SPEF2: variants seen among roughly 807,000 people sequenced by gnomAD.
SPEF2 encodes sperm flagella and cilia-associated protein 2.
SPEF2 carries 187 observed loss-of-function variants against 224.6 expected under a neutral mutation model. That is an observed-to-expected ratio of 0.83 (90% CI 0.74 to 0.94). The LOEUF (loss-of-function observed/expected upper bound fraction) is 0.94. Among genes scored for constraint, SPEF2 ranks in the 40% least tolerant of loss-of-function variants. The pLI, the probability that SPEF2 is intolerant of heterozygous loss-of-function variation, is 0.00. For synonymous variants in SPEF2, 715 were observed against 707.3 expected (o/e 1.01, Z -0.17); for missense variants, 2,170 against 2,135.6 (o/e 1.02, Z -0.32).
Position 35,641,573 on chromosome 5 carries a change from A to C in SPEF2, c.304A>C (p.Ile102Leu). The change falls in exon 3 of 37, where the codon ATT becomes CTT. Residue 102 changes from isoleucine (I) to leucine (L), a missense_variant. Ile to Leu is a conservative substitution (Grantham distance 5). Coordinates refer to ENST00000356031, the MANE Select transcript of SPEF2 (RefSeq NM_024867.4). ...VATKLLYQLY[I>L]ALQKKKKSGL... ...AACAAAGCTGTTATATCAATTGTAC[A>C]TTGCTCTTCAGAAAAAGAAGAAAAG... 1 of 1,613,826 alleles carries C rather than the reference A, an allele frequency of 6.2e-7. No homozygotes were observed. The highest frequency in any genetic ancestry group is 8.5e-7 in the Non-Finnish European group (1 of 1,179,818).
intron 31 of SPEF2, among the ~76,000 whole-genome samples, 153 bp downstream of exon 31, chr5:35,792,599 A>G (rs1431298697): frequency 6.6e-6 from 1 of 152,244 alleles, no homozygotes; most frequent in Non-Finnish European, 1.5e-5. Flanking sequence ...TGAACTTCCA[A>G]TTAAAACATA....
intron 10 of SPEF2, chr5:35,671,687 T>C (rs1045195307): frequency 8.5e-6 from 2 of 235,642 alleles, no homozygotes; most frequent in Admixed American, 6.5e-5. Context: ...TTAGCAAAGA[T>C]TTTTGTCTCT....
chr5:35,628,529 T>G lies in SPEF2; in HGVS notation c.128T>G (p.Leu43Arg). 1 of 1,613,900 alleles carries G rather than the reference T, an allele frequency of 6.2e-7. No homozygotes were observed. The change falls in exon 2 of 37, where the codon CTT becomes CGT. Residue 43 changes from leucine to arginine, a missense_variant. Coordinates refer to ENST00000356031, the MANE Select transcript of SPEF2 (RefSeq NM_024867.4). ...GGAGAAGTTCTACACAAGTTTGAAC[T>G]TCAGGATGATTTTTCAGAATTTTTG... The part of the protein sequence containing the change: ...LLGEVLHKFE[L>R]QDDFSEFLDS...
At chr5:35,681,635 T>C (rs548881680) in intron 10 of SPEF2, among the ~76,000 whole-genome samples, 116 of 152,298 alleles carry the variant, frequency 7.6e-4, no homozygotes, top group African/African-American at 2.7e-3. Context: ...ATAAATATAA[T>C]AAAACACAAT....
Position 35,800,007 on chromosome 5 carries a change from C to G in SPEF2, c.4870C>G (p.Pro1624Ala), listed in dbSNP as rs1757212512. ...RLFADYEKDP[P>A]QLDYTQMLLY... ...ATTTGCTGACTATGAGAAGGATCCA[C>G]CCCAGCTTGACTACACACAGATGCT... Residue 1624 changes from proline (P) to alanine (A), a missense_variant, in exon 34 of 37, where the codon CCC (proline) becomes GCC (alanine). By Grantham distance (27) the Pro-to-Ala change is conservative. Transcript: ENST00000356031. 7.4e-6 allele frequency: 12 copies of G among 1,613,936 alleles called. No individual in the cohort carries two copies. Among genetic ancestry groups the G allele is most frequent in the Non-Finnish European group, 9.3e-6 (11 of 1,180,008 alleles).
At chr5:35,650,763 T>C (rs1748080588) in intron 6 of SPEF2, among the ~76,000 whole-genome samples, 1 of 152,208 alleles carries the variant, frequency 6.6e-6, no homozygotes, top group Admixed American at 6.5e-5. Flanking sequence ...ACATTACAGC[T>C]GCAAACATTT....
intron 21 of SPEF2, among the ~76,000 whole-genome samples, chr5:35,736,466 A>AGT (rs1280322469): frequency 3.1e-5 from 4 of 129,072 alleles, no homozygotes; most frequent in African/African-American, 1.3e-4. Context: ...GGCAAGTGAC[A>AGT]GAGTGTGTGT....
rs529895228 is a variant in SPEF2 at position 35,722,991 on chromosome 5, G to T, written c.2915-4684G>T. Among the ~76,000 whole-genome samples, 5 of 152,084 alleles carry T rather than the reference G, an allele frequency of 3.3e-5. No individual in the cohort carries two copies. In the South Asian group the frequency reaches 1.0e-3, roughly 32 times the overall value. The stretch of plus-strand genomic sequence containing the variant: ...ATTTAGGCTCACAGATGGTTTAAAG[G>T]GTGAGTAAAGCAGGGTTTTATTGGG... On this transcript the variant is annotated intron_variant, in intron 20 of 36. Transcript: ENST00000356031.
rs748454003 is a variant in SPEF2, at chr5:35,793,258, G to A, written c.4654G>A (p.Glu1552Lys). 18 of 1,614,166 alleles carry A rather than the reference G, an allele frequency of 1.1e-5. No individual in the cohort carries two copies. Among genetic ancestry groups the A allele is most frequent in the Non-Finnish European group, 1.5e-5 (18 of 1,180,012 alleles). ...TSMPWPIPLEEELLETLQKFK... is the reference protein window; with the variant it reads ...TSMPWPIPLEKELLETLQKFK... The stretch of plus-strand genomic sequence containing the variant: ...AATGCCTTGGCCCATTCCCTTGGAG[G>A]AGGAGCTCCTTGAGACCCTTCAGAA... Residue 1552 changes from glutamate (E) to lysine (K), a missense_variant, in exon 32 of 37, where the codon GAG (glutamate) becomes AAG (lysine). Glu to Lys is a moderately conservative substitution (Grantham distance 56). Transcript: ENST00000356031.
chr5:35,633,586 C>A lies in SPEF2; in HGVS notation c.161+5024C>A, dbSNP rs75667026. 9.8e-3 allele frequency among the ~76,000 whole-genome samples: 1,483 copies of A among 151,940 alleles called. 24 individuals are homozygous for A. Among genetic ancestry groups the A allele is most frequent in the African/African-American group, 0.033 (1,366 of 41,498 alleles). ...GGATTGTATATTCTGTCAATTCCCT[C>A]TTTGTAATTGTAGTTATTTAATCCA... is the stretch of plus-strand genomic sequence containing the variant. On this transcript the variant is annotated intron_variant, in intron 2 of 36. Transcript: ENST00000356031.
chr5:35,755,576 T>C (rs577456362), intron 24 of SPEF2, among the ~76,000 whole-genome samples: 10 of 152,298 alleles, frequency 6.6e-5, no homozygotes, highest in African/African-American at 2.4e-4. Flanking sequence ...TCTTACTATG[T>C]ACATGCCAGG....
chr5:35,691,099 T>G lies in SPEF2; in HGVS notation c.1587T>G (p.Asn529Lys), dbSNP rs1276713351. Residue 529 changes from asparagine (N) to lysine (K), a missense_variant, in exon 11 of 37, where the codon AAT becomes AAG. Physicochemically the swap from Asn to Lys is moderately conservative, Grantham distance 94 (BLOSUM62 0). Coordinates refer to ENST00000356031, the MANE Select transcript of SPEF2 (RefSeq NM_024867.4). ...EMVDNLPPSN[N>K]CILGHILHRL... Reference sequence around the variant, plus strand: ...TTGACAATTTACCACCCTCCAACAATTGCATACTGGGCCATATTCTTCACA... The same window carrying G: ...TTGACAATTTACCACCCTCCAACAAGTGCATACTGGGCCATATTCTTCACA... 6.2e-7 allele frequency: 1 copy of G among 1,614,108 alleles called. No individual in the cohort carries two copies. The highest frequency in any genetic ancestry group is 1.1e-5 in the South Asian group (1 of 91,086).
intron 20 of SPEF2, among the ~76,000 whole-genome samples, chr5:35,716,318 A>G (rs10037597): frequency 0.75 from 114,250 of 151,978 alleles, 43,305 homozygotes; most frequent in Middle Eastern, 0.83. Context: ...TCACTTGTTT[A>G]CTAATAGAAT....
At chr5:35,813,607 A>G (rs866598350) in intron 36 of SPEF2, among the ~76,000 whole-genome samples, 25 of 152,010 alleles carry the variant, frequency 1.6e-4, no homozygotes, top group African/African-American at 5.5e-4. Flanking sequence ...GCTTTAGGAG[A>G]TTTGTGTTTT....
At chr5:35,632,805 T>C (rs924243222) in intron 2 of SPEF2, among the ~76,000 whole-genome samples, 2 of 152,194 alleles carry the variant, frequency 1.3e-5, no homozygotes, top group Non-Finnish European at 2.9e-5. Flanking sequence ...TTGTGGTTTC[T>C]TCTTTGATTC....
At chr5:35,719,804 T>C (rs577687722) in intron 20 of SPEF2, among the ~76,000 whole-genome samples, 1 of 152,230 alleles carries the variant, frequency 6.6e-6, no homozygotes, top group South Asian at 2.1e-4. Context: ...GTATTTTTAA[T>C]AGAGACAGGG....
At chr5:35,768,446 G>T (rs1752374076) in intron 26 of SPEF2, among the ~76,000 whole-genome samples, 1 of 152,102 alleles carries the variant, frequency 6.6e-6, no homozygotes, top group Non-Finnish European at 1.5e-5. Flanking sequence ...GGATCATATA[G>T]CTATGCCTCT....
intron 2 of SPEF2, among the ~76,000 whole-genome samples, chr5:35,636,762 G>T (rs1305404503): frequency 6.6e-6 from 1 of 151,928 alleles, no homozygotes; most frequent in East Asian, 1.9e-4. Context: ...ATCACCTGAG[G>T]TCAAGAGTTT....
chr5:35,771,716 G>C lies in SPEF2; in HGVS notation c.3909G>C (p.Lys1303Asn). 1 of 1,599,516 alleles carries C rather than the reference G, an allele frequency of 6.3e-7. No individual in the cohort carries two copies. The highest frequency in any genetic ancestry group is 8.5e-7 in the Non-Finnish European group (1 of 1,176,498). The part of the protein sequence containing the change: ...PQMGANKKVK[K>N]EPPKKKQEDK... Reference sequence around the variant, plus strand: ...TGGGTGCAAATAAAAAAGTCAAAAAGGAGCCACCCAAGAAAAAACAGGAAG... The same window carrying C: ...TGGGTGCAAATAAAAAAGTCAAAAACGAGCCACCCAAGAAAAAACAGGAAG... The change falls in exon 27 of 37, where the codon AAG becomes AAC. Residue 1303 changes from lysine (K) to asparagine (N), a missense_variant. Transcript: ENST00000356031.
Sources: allele counts gnomAD v4.1 joint callset (sites outside exome capture counted in the v4.1 genomes callset), GRCh38; gene constraint gnomAD v4.1.1; transcripts MANE v1.5; gene names NCBI Gene and HGNC (gene_info 2026-07-23, HGNC 2026-07-21).